Variants in FBN1 observed in about 807,000 individuals in gnomAD.
FBN1 encodes fibrillin-1.
Under a neutral mutation model 365.1 loss-of-function variants are expected in FBN1, and 29 were observed. The ratio of observed to expected loss-of-function variants is 0.08; its 90% CI spans 0.06 to 0.11. The LOEUF (loss-of-function observed/expected upper bound fraction) is 0.11, where lower values mean the gene tolerates loss of function less well. Ranked by LOEUF, FBN1 falls within the 10% of genes least tolerant of loss-of-function variation. The pLI, the probability that FBN1 is intolerant of heterozygous loss-of-function variation, is 1.00. For synonymous variants in FBN1, 1,210 were observed against 1,270.5 expected (o/e 0.95, Z 1.01); for missense variants, 2,476 against 3,703.2 (o/e 0.67, Z 8.60).
intron 45 of FBN1, among the ~76,000 whole-genome samples, chr15:48,449,826 C>T (rs911039178): frequency 4.6e-5 from 7 of 152,118 alleles, no homozygotes; most frequent in East Asian, 1.9e-4. Flanking sequence ...CCAGACTTGC[C>T]GTTTGCCTGC....
chr15:48,420,798 C>A lies in FBN1; in HGVS notation c.7708G>T (p.Glu2570Ter). 6.2e-7 allele frequency: 1 copy of A among 1,613,952 alleles called. No individual in the cohort carries two copies. Among genetic ancestry groups the A allele is most frequent in the South Asian group, 1.1e-5 (1 of 91,072 alleles). The change falls in exon 63 of 66, where the codon GAG becomes TAG. Residue 2570 changes from glutamate (E) to a stop codon, truncating the protein, a stop_gained. Transcript: ENST00000316623. LOFTEE classifies it high-confidence loss of function. ...QTGSSCEDVD[E>*]CEGNHRCQHG... ...TGGCAGCGGTGGTTACCCTCACACT[C>A]GTCCACGTCTGAAAAAGAAGCAGAG...
chr15:48,554,087 G>A (rs1339278772), intron 6 of FBN1, among the ~76,000 whole-genome samples: 2 of 152,184 alleles, frequency 1.3e-5, no homozygotes, highest in South Asian at 2.1e-4. Flanking sequence ...TGGTGTTTCT[G>A]ATTCTAAAAG....
chr15:48,516,110 CATAA>C, intron 11 of FBN1, 69 bp downstream of exon 11: 1 of 1,381,126 alleles, frequency 7.2e-7, no homozygotes, highest in Non-Finnish European at 1.0e-6. Context: ...ACTAAAGTAG[CATAA>C]ATAAATAATA....
intron 9 of FBN1, among the ~76,000 whole-genome samples, chr15:48,521,862 T>G (rs71467654): frequency 0.15 from 23,092 of 152,138 alleles, 1,910 homozygotes; most frequent in East Asian, 0.36. Context: ...AAAGCAGGGG[T>G]CTCTAACCCC....
chr15:48,631,658 C>A (rs77255940), intron 2 of FBN1, among the ~76,000 whole-genome samples: 1 of 152,096 alleles, frequency 6.6e-6, no homozygotes, highest in African/African-American at 2.4e-5. Context: ...GAGTTCTCCG[C>A]GAGATCTGAC....
intron 31 of FBN1, among the ~76,000 whole-genome samples, chr15:48,483,067 C>G (rs2141288706): frequency 6.6e-6 from 1 of 152,286 alleles, no homozygotes; most frequent in East Asian, 1.9e-4. Flanking sequence ...CTCAGTAAGG[C>G]ACAATTTACA....
chr15:48,452,834 A>C (rs2141256286), intron 44 of FBN1, 150 bp from the exon 45 acceptor site: 1 of 857,742 alleles, frequency 1.2e-6, no homozygotes, highest in East Asian at 2.7e-5. Context: ...ATTTATTGCC[A>C]GAATTTGGAA....
chr15:48,500,431 T>C (rs2043644843), intron 17 of FBN1, among the ~76,000 whole-genome samples: 1 of 152,208 alleles, frequency 6.6e-6, no homozygotes, highest in Admixed American at 6.5e-5. Context: ...GCTGGGAGTT[T>C]TGGAAGCAGC....
chr15:48,583,480 G>C (rs1173162214), intron 6 of FBN1, among the ~76,000 whole-genome samples: 1 of 152,150 alleles, frequency 6.6e-6, no homozygotes, highest in Non-Finnish European at 1.5e-5. Flanking sequence ...GTAGACTTAA[G>C]GTCTTACAGC....
chr15:48,631,748 G>A (rs935295393), intron 2 of FBN1, among the ~76,000 whole-genome samples: 14 of 152,158 alleles, frequency 9.2e-5, no homozygotes, highest in Non-Finnish European at 2.1e-4. Flanking sequence ...AGAATTGTAG[G>A]TGGTCATCTG....
intron 49 of FBN1, among the ~76,000 whole-genome samples, chr15:48,444,226 C>A (rs1395349901): frequency 2.0e-5 from 3 of 152,094 alleles, no homozygotes; most frequent in African/African-American, 4.8e-5. Flanking sequence ...CAAAGAATCG[C>A]CACTTAAAAA....
intron 32 of FBN1, among the ~76,000 whole-genome samples, chr15:48,478,487 T>G (rs1404551117): frequency 6.6e-6 from 1 of 152,222 alleles, no homozygotes; most frequent in Non-Finnish European, 1.5e-5. Flanking sequence ...GCTTGCTTTA[T>G]TCATTAACTA....
Position 48,428,388 on chromosome 15 carries a change from T to C in FBN1, c.6955A>G (p.Asn2319Asp). 6.2e-7 allele frequency: 1 copy of C among 1,614,102 alleles called. No homozygotes were observed. The highest frequency in any genetic ancestry group is 8.5e-7 in the Non-Finnish European group (1 of 1,179,992). ...TTGGGGCTGGCGGTAAACCCATCAT[T>C]ACACTCACAGGTGTAGCTCCCACGG... ...NTRGSYTCEC[N>D]DGFTASPNQD... is the part of the protein sequence containing the mutation. The change falls in exon 57 of 66, where the codon AAT becomes GAT. Residue 2319 changes from asparagine (N) to aspartate (D), a missense_variant. Coordinates refer to ENST00000316623, the MANE Select transcript of FBN1 (RefSeq NM_000138.5).
intron 6 of FBN1, among the ~76,000 whole-genome samples, chr15:48,572,272 A>C (rs924043964): frequency 2.6e-5 from 4 of 152,202 alleles, no homozygotes; most frequent in African/African-American, 9.6e-5. Context: ...TAAATGAAGG[A>C]TTCTCAATGC....
Position 48,441,660 on chromosome 15 carries a change from A to G in FBN1, c.6163+61T>C, listed in dbSNP as rs923344306. On this transcript the variant is annotated intron_variant, in intron 50 of 65. Transcript: ENST00000316623. ...AAACAGAGCTTTGCCATGTTTGAAA[A>G]ATAAGACCACCACAAATAAACATGC... 2.5e-6 allele frequency: 4 copies of G among 1,607,434 alleles called. No homozygotes were observed. The African/African-American group carries it at 5.4e-5, about 22-fold the overall frequency.
chr15:48,552,276 CTTTTTTTTTT>C (rs71432262), intron 6 of FBN1, among the ~76,000 whole-genome samples: 1 of 139,978 alleles, frequency 7.1e-6, no homozygotes, highest in East Asian at 2.0e-4. Flanking sequence ...CTTTTTTTTT[CTTTTTTTTTT>C]TTTTGAGACA....
At chr15:48,572,772 A>C (rs967352824) in intron 6 of FBN1, among the ~76,000 whole-genome samples, 2 of 152,208 alleles carry the variant, frequency 1.3e-5, no homozygotes, top group South Asian at 4.1e-4. Context: ...GGAGAAAAAG[A>C]GGGACATAAG....
At chr15:48,569,308 G>C (rs1023330037) in intron 6 of FBN1, among the ~76,000 whole-genome samples, 8 of 152,024 alleles carry the variant, frequency 5.3e-5, no homozygotes, top group Non-Finnish European at 1.2e-4. Context: ...TAATGAAAAA[G>C]AAAGACAGTA....
At position 48,412,726 on chromosome 15, in the gene FBN1, A is replaced by T. The variant is rs747476726; in HGVS notation, c.8069T>A (p.Met2690Lys). ...CTCTGGGTTTCCTCGGCCCATGCCCATTCCAGAAACACAGTGCCTGCAGCA... is the reference window on the plus strand; with the variant it reads ...CTCTGGGTTTCCTCGGCCCATGCCCTTTCCAGAAACACAGTGCCTGCAGCA... The part of the protein sequence containing the change: ...RIGQGHCVSG[M>K]GMGRGNPEPP... Residue 2690 changes from methionine (M) to lysine (K), a missense_variant, in exon 65 of 66, where the codon ATG (methionine) becomes AAG (lysine). By Grantham distance (95) the Met-to-Lys change is moderately conservative (BLOSUM62 -1). Transcript: ENST00000316623. 6.2e-7 allele frequency: 1 copy of T among 1,614,226 alleles called. No individual in the cohort carries two copies. Among genetic ancestry groups the T allele is most frequent in the South Asian group, 1.1e-5 (1 of 91,088 alleles).
Sources: gnomAD v4.1 joint callset for allele counts (sites outside exome capture counted in the v4.1 genomes callset) on GRCh38, gnomAD v4.1.1 for gene constraint, MANE v1.5 for transcripts, NCBI Gene and HGNC (gene_info 2026-07-23, HGNC 2026-07-21) for gene names.